ATP2B4: variants seen among roughly 807,000 people sequenced by gnomAD.
The protein encoded by ATP2B4 is ATPase plasma membrane Ca2+ transporting 4.
ATP2B4 carries 39 observed loss-of-function variants against 110.3 expected under a neutral mutation model. That is an observed-to-expected ratio of 0.35 (90% CI 0.27 to 0.46). The LOEUF (loss-of-function observed/expected upper bound fraction) is 0.46, where lower values mean the gene tolerates loss of function less well. Ranked by LOEUF, ATP2B4 falls within the 20% of genes least tolerant of loss-of-function variation. The probability of loss-of-function intolerance (pLI) is 1.00; values close to 1 mark genes in which losing one functional copy is unlikely to be tolerated. For missense variants in ATP2B4, 1,135 were observed against 1,530.9 expected (o/e 0.74, Z 4.32); for synonymous variants, 538 against 571.7 (o/e 0.94, Z 0.84).
Position 203,701,013 on chromosome 1 carries a change from T to TGC in ATP2B4, c.901+90_901+91insGC, listed in dbSNP as rs1318243252. ...GAGCAGATCTGGATAGAAAGCATGG[T>TGC]TGGAAGAATCTGCTGCCATGAAGAA... is the stretch of plus-strand genomic sequence containing the variant. On this transcript the variant is annotated intron_variant, in intron 6 of 20. Coordinates refer to ENST00000357681, the MANE Select transcript of ATP2B4 (RefSeq NM_001684.5). 64 of 1,460,812 alleles carry TGC rather than the reference T, an allele frequency of 4.4e-5. No homozygotes were observed. In the East Asian group the frequency reaches 8.7e-4, roughly 20 times the overall value. 90.5% of individuals were successfully genotyped at this position (1,460,812 alleles called of 1,614,324 possible).
chr1:203,676,945 A>G (rs766721617), intron 1 of ATP2B4, among the ~76,000 whole-genome samples: 1 of 152,212 alleles, frequency 6.6e-6, no homozygotes, highest in African/African-American at 2.4e-5. Flanking sequence ...CAGTGCCTTT[A>G]GGAGTCAGGA....
chr1:203,685,723 T>C (rs6594008), intron 2 of ATP2B4, among the ~76,000 whole-genome samples: 126,641 of 152,140 alleles, frequency 0.83, 53,543 homozygotes, highest in East Asian at 1. Flanking sequence ...AGTAGCCCTC[T>C]ACAGTTTACT....
intron 15 of ATP2B4, among the ~76,000 whole-genome samples, chr1:203,717,303 T>A (rs536371086): frequency 3.3e-4 from 51 of 152,374 alleles, no homozygotes; most frequent in Admixed American, 1.4e-3. Flanking sequence ...TGGTTTTTTT[T>A]AAAATGATGA....
chr1:203,707,985 G>A lies in ATP2B4; in HGVS notation c.1438G>A (p.Ala480Thr). The A allele has an allele frequency of 6.2e-7, 1 of 1,614,200 alleles. No homozygotes were observed. The highest frequency in any genetic ancestry group is 1.1e-5 in the South Asian group (1 of 91,086). ...CATGAACCGCATGACTGTGGTACAAGCTTATATTGGGGGCATCCATTACCG... is the reference window on the plus strand; with the variant it reads ...CATGAACCGCATGACTGTGGTACAAACTTATATTGGGGGCATCCATTACCG... ...LTMNRMTVVQAYIGGIHYRQI... is the reference protein window; with the variant it reads ...LTMNRMTVVQTYIGGIHYRQI... Residue 480 changes from alanine (A) to threonine (T), a missense_variant, in exon 10 of 21, where the codon GCT (alanine) becomes ACT (threonine). Ala to Thr is a moderately conservative substitution (Grantham distance 58). Coordinates refer to ENST00000357681, the MANE Select transcript of ATP2B4 (RefSeq NM_001684.5).
intron 1 of ATP2B4, among the ~76,000 whole-genome samples, chr1:203,627,661 CAA>C (rs869102283): frequency 7.2e-6 from 1 of 138,346 alleles, no homozygotes; most frequent in Non-Finnish European, 1.5e-5. Context: ...CTCGAAAGCC[CAA>C]AAGAGAGATG....
chr1:203,668,419 T>G (rs1400195911), intron 1 of ATP2B4, among the ~76,000 whole-genome samples: 3 of 152,220 alleles, frequency 2.0e-5, no homozygotes, highest in African/African-American at 7.2e-5. Flanking sequence ...TTTTTCATTT[T>G]TTAGATGGCT....
Position 203,727,377 on chromosome 1 carries a change from C to T in ATP2B4, c.3133-18C>T, listed in dbSNP as rs757018730. 23 of 1,613,082 alleles carry T rather than the reference C, an allele frequency of 1.4e-5. 2 individuals are homozygous for T. The highest frequency in any genetic ancestry group is 1.2e-4 in the South Asian group (11 of 90,990). ...ACGCTGATTCTGACGTCTTCCTCTT[C>T]GCTGCGCTTGTTTTCAGTTCATCTC... On this transcript the variant is annotated intron_variant, in intron 19 of 20. Transcript: ENST00000357681.
intron 8 of ATP2B4, among the ~76,000 whole-genome samples, chr1:203,704,023 G>C (rs1310831283): frequency 2.0e-5 from 3 of 152,168 alleles, no homozygotes; most frequent in East Asian, 1.9e-4. Context: ...CTGTGTGTAA[G>C]GGTTAATGGC....
At chr1:203,639,317 T>C (rs1663556570) in intron 1 of ATP2B4, among the ~76,000 whole-genome samples, 1 of 152,148 alleles carries the variant, frequency 6.6e-6, no homozygotes, top group Non-Finnish European at 1.5e-5. Context: ...CCAACAAACA[T>C]GAAGCGAGCA....
At chr1:203,734,186 A>G (rs1571780919) in intron 20 of ATP2B4, among the ~76,000 whole-genome samples, 1 of 152,074 alleles carries the variant, frequency 6.6e-6, no homozygotes, top group East Asian at 1.9e-4. Context: ...CTGTAGTCCT[A>G]TAGCTACTCG....
chr1:203,727,698 C>G, intron 20 of ATP2B4, 127 bp downstream of exon 20: 2 of 1,164,604 alleles, frequency 1.7e-6, no homozygotes, highest in East Asian at 5.0e-5. Context: ...TGATGGGCAG[C>G]CCTAGATCCT....
At chr1:203,656,907 C>G in intron 1 of ATP2B4, 1 of 579,194 alleles carries the variant, frequency 1.7e-6, no homozygotes, top group Non-Finnish European at 3.1e-6. Flanking sequence ...AGAAACATTA[C>G]AGTAATGGCA....
chr1:203,695,976 G>A (rs908172234), intron 2 of ATP2B4, among the ~76,000 whole-genome samples: 3 of 152,114 alleles, frequency 2.0e-5, no homozygotes, highest in Non-Finnish European at 2.9e-5. Flanking sequence ...CGCCCAGGCT[G>A]GAGTGCAGTT....
intron 2 of ATP2B4, among the ~76,000 whole-genome samples, chr1:203,693,060 T>G (rs1665432194): frequency 6.6e-6 from 1 of 152,144 alleles, no homozygotes. Context: ...GGGAAACCCT[T>G]TTCCTGTGTT....
At chr1:203,672,626 C>T (rs375477643) in intron 1 of ATP2B4, among the ~76,000 whole-genome samples, 18 of 152,038 alleles carry the variant, frequency 1.2e-4, no homozygotes, top group African/African-American at 4.1e-4. Flanking sequence ...CTTCTGGAAC[C>T]GTGGGGGATG....
At chr1:203,660,363 A>G (rs1367916045) in intron 1 of ATP2B4, among the ~76,000 whole-genome samples, 1 of 152,222 alleles carries the variant, frequency 6.6e-6, no homozygotes, top group Non-Finnish European at 1.5e-5. Flanking sequence ...CACAAAAGGT[A>G]GTAGGTTGGA....
At position 203,709,436 on chromosome 1, in the gene ATP2B4, G is replaced by A; in HGVS notation, c.1693G>A (p.Val565Met). ...NEVPEEKLYKVYTFNSVRKSM... is the reference protein window; with the variant it reads ...NEVPEEKLYKMYTFNSVRKSM... ...AGTGCCCGAGGAGAAGCTCTACAAGGTGTACACCTTTAACTCAGTGCGCAA... is the reference window on the plus strand; with the variant it reads ...AGTGCCCGAGGAGAAGCTCTACAAGATGTACACCTTTAACTCAGTGCGCAA... Residue 565 changes from valine to methionine, a missense_variant, in exon 11 of 21, where the codon GTG becomes ATG. By Grantham distance (21) the Val-to-Met change is conservative. Transcript: ENST00000357681. 6.2e-7 allele frequency: 1 copy of A among 1,614,226 alleles called. No homozygotes were observed. Among genetic ancestry groups the A allele is most frequent in the Non-Finnish European group, 8.5e-7 (1 of 1,180,042 alleles).
At chr1:203,730,146 TA>T (rs200040868) in intron 20 of ATP2B4, among the ~76,000 whole-genome samples, 37 of 151,166 alleles carry the variant, frequency 2.4e-4, no homozygotes, top group Non-Finnish European at 3.0e-4. Context: ...TTCCTTTTTT[TA>T]AAAAAAAATT....
chr1:203,710,378 A>T (rs1035173279), intron 11 of ATP2B4, among the ~76,000 whole-genome samples: 1 of 152,018 alleles, frequency 6.6e-6, no homozygotes, highest in African/African-American at 2.4e-5. Flanking sequence ...ACAAAAAAAA[A>T]AAAGTGACTA....
Sources: allele counts gnomAD v4.1 joint callset (sites outside exome capture counted in the v4.1 genomes callset), GRCh38; gene constraint gnomAD v4.1.1; transcripts MANE v1.5; gene names NCBI Gene and HGNC (gene_info 2026-07-23, HGNC 2026-07-21).